Variants in PTPRM observed in about 807,000 individuals in gnomAD.
PTPRM encodes the protein receptor-type tyrosine-protein phosphatase mu.
A neutral mutation model predicts 186.7 loss-of-function variants in PTPRM; 47 were observed. The observed-to-expected ratio is 0.25, with a 90% CI of 0.20 to 0.32. PTPRM has a LOEUF of 0.32. Among genes scored for constraint, PTPRM ranks in the 10% least tolerant of loss-of-function variants. The pLI, the probability that PTPRM is intolerant of heterozygous loss-of-function variation, is 1.00. For synonymous variants in PTPRM, 668 were observed against 674.9 expected, an observed-to-expected ratio of 0.99 and a Z score of 0.16; for missense variants, 1,494 against 1,865.0, an observed-to-expected ratio of 0.80 and a Z score of 3.66.
intron 22 of PTPRM, among the ~76,000 whole-genome samples, chr18:8,338,264 C>T (rs972318408): frequency 1.4e-5 from 2 of 148,120 alleles, no homozygotes; most frequent in East Asian, 3.9e-4. Context: ...TACCCTAGAA[C>T]TTAAAGTATA....
chr18:7,848,525 A>G (rs2046708515), intron 2 of PTPRM, among the ~76,000 whole-genome samples: 1 of 152,116 alleles, frequency 6.6e-6, no homozygotes, highest in Non-Finnish European at 1.5e-5. Context: ...TGTAATCCCA[A>G]TTTTGGGAGG....
At chr18:8,051,085 T>G (rs2087462034) in intron 7 of PTPRM, among the ~76,000 whole-genome samples, 1 of 152,128 alleles carries the variant, frequency 6.6e-6, no homozygotes, top group South Asian at 2.1e-4. Flanking sequence ...TGTAATTCTT[T>G]TCAAGTCACA....
intron 17 of PTPRM, among the ~76,000 whole-genome samples, chr18:8,250,154 T>G (rs1601473069): frequency 6.6e-6 from 1 of 152,264 alleles, no homozygotes; most frequent in East Asian, 1.9e-4. Context: ...ACCTCTCTCA[T>G]GCTAAGATGC....
chr18:8,184,116 C>G (rs1348843958), intron 14 of PTPRM, among the ~76,000 whole-genome samples: 1 of 152,176 alleles, frequency 6.6e-6, no homozygotes, highest in Admixed American at 6.5e-5. Flanking sequence ...CCACCCTAAC[C>G]AGAAGATCTT....
At chr18:8,185,281 A>G (rs1355299510) in intron 14 of PTPRM, among the ~76,000 whole-genome samples, 5 of 152,216 alleles carry the variant, frequency 3.3e-5, no homozygotes, top group African/African-American at 1.2e-4. Flanking sequence ...CTCTAGGGTA[A>G]GGCTGGCTGG....
intron 1 of PTPRM, among the ~76,000 whole-genome samples, chr18:7,570,847 A>G (rs1446177402): frequency 6.6e-6 from 1 of 152,188 alleles, no homozygotes; most frequent in Non-Finnish European, 1.5e-5. Context: ...CAGACATCAG[A>G]AATAGAATGC....
chr18:7,598,482 A>G (rs1276309871), intron 1 of PTPRM, among the ~76,000 whole-genome samples: 2 of 152,232 alleles, frequency 1.3e-5, no homozygotes, highest in African/African-American at 4.8e-5. Context: ...GCTTAGTTCT[A>G]TGCTCAGTTC....
chr18:8,349,802 C>G (rs1857602073), intron 23 of PTPRM, among the ~76,000 whole-genome samples: 1 of 152,206 alleles, frequency 6.6e-6, no homozygotes, highest in African/African-American at 2.4e-5. Flanking sequence ...AACAGCACAC[C>G]TGCCTCCTGT....
chr18:8,151,070 C>G (rs2092995199), intron 14 of PTPRM, among the ~76,000 whole-genome samples: 1 of 152,154 alleles, frequency 6.6e-6, no homozygotes, highest in Non-Finnish European at 1.5e-5. Context: ...CTGTCGGCCC[C>G]TACTGGGAGG....
intron 2 of PTPRM, among the ~76,000 whole-genome samples, chr18:7,777,143 T>C (rs1167576763): frequency 6.6e-6 from 1 of 152,202 alleles, no homozygotes; most frequent in Admixed American, 6.5e-5. Flanking sequence ...GGGCAAATTT[T>C]CTAAACCTTT....
At chr18:7,709,753 A>G (rs2040172544) in intron 1 of PTPRM, among the ~76,000 whole-genome samples, 1 of 152,184 alleles carries the variant, frequency 6.6e-6, no homozygotes, top group African/African-American at 2.4e-5. Flanking sequence ...GCAAAAGATC[A>G]TTCAAGGCTA....
At chr18:7,706,282 A>G (rs1258132051) in intron 1 of PTPRM, among the ~76,000 whole-genome samples, 2 of 151,796 alleles carry the variant, frequency 1.3e-5, no homozygotes, top group Admixed American at 6.6e-5. Context: ...CCTTATTGAG[A>G]TTTTACAGTA....
intron 7 of PTPRM, among the ~76,000 whole-genome samples, chr18:8,055,166 T>G (rs1396851483): frequency 6.6e-6 from 1 of 152,182 alleles, no homozygotes; most frequent in Admixed American, 6.6e-5. Flanking sequence ...TTGACTGATA[T>G]CTCTTGTCAA....
intron 19 of PTPRM, among the ~76,000 whole-genome samples, chr18:8,280,900 G>T (rs553367337): frequency 6.6e-6 from 1 of 152,288 alleles, no homozygotes; most frequent in South Asian, 2.1e-4. Flanking sequence ...AGGCAACACG[G>T]TCTAATTGTG....
At chr18:8,326,123 G>C (rs1308913431) in intron 22 of PTPRM, among the ~76,000 whole-genome samples, 2 of 152,052 alleles carry the variant, frequency 1.3e-5, no homozygotes, top group Non-Finnish European at 2.9e-5. Flanking sequence ...CATTCTGTAG[G>C]TTTTTCTGTT....
intron 22 of PTPRM, among the ~76,000 whole-genome samples, chr18:8,338,973 G>A (rs1456658922): frequency 1.3e-5 from 2 of 152,136 alleles, no homozygotes; most frequent in African/African-American, 4.8e-5. Context: ...TACAAGTGCA[G>A]TTGTGTTACG....
intron 7 of PTPRM, among the ~76,000 whole-genome samples, chr18:8,018,661 A>G (rs1600098435): frequency 6.6e-6 from 1 of 152,184 alleles, no homozygotes; most frequent in Admixed American, 6.5e-5. Context: ...AATTGTTGTG[A>G]CATGTTAATA....
At chr18:7,766,741 T>G (rs1328024368) in intron 1 of PTPRM, among the ~76,000 whole-genome samples, 1 of 152,228 alleles carries the variant, frequency 6.6e-6, no homozygotes, top group Non-Finnish European at 1.5e-5. Context: ...TACCCTCTAC[T>G]GATAAAGCTT....
chr18:8,214,933 G>A (rs780721737), intron 14 of PTPRM, among the ~76,000 whole-genome samples: 27 of 152,286 alleles, frequency 1.8e-4, no homozygotes, highest in Middle Eastern at 6.8e-3. Flanking sequence ...AATTACAGGC[G>A]TGAGCCACTG....
Sources: gnomAD v4.1 joint callset for allele counts (sites outside exome capture counted in the v4.1 genomes callset) on GRCh38, gnomAD v4.1.1 for gene constraint, MANE v1.5 for transcripts, NCBI Gene and HGNC (gene_info 2026-07-23, HGNC 2026-07-21) for gene names.